The following PKHD1 variants were observed in gnomAD, a reference collection of about 807,000 sequenced individuals.
The protein encoded by PKHD1 is fibrocystin.
Under a neutral mutation model 412.0 loss-of-function variants are expected in PKHD1, and 291 were observed. The ratio of observed to expected loss-of-function variants is 0.71; its 90% CI spans 0.64 to 0.78. PKHD1 has a LOEUF of 0.78. Ranked by LOEUF, PKHD1 falls within the 30% of genes least tolerant of loss-of-function variation. The pLI, the probability that PKHD1 is intolerant of heterozygous loss-of-function variation, is 0.00. For missense variants in PKHD1, 4,825 were observed against 4,950.7 expected (o/e 0.97, Z 0.76); for synonymous variants, 1,777 against 1,821.5 (o/e 0.98, Z 0.62).
chr6:52,078,357 T>C (rs1458915366), intron 5 of PKHD1, among the ~76,000 whole-genome samples: 1 of 152,042 alleles, frequency 6.6e-6, no homozygotes, highest in Admixed American at 6.6e-5. Flanking sequence ...GTGTGGTCAG[T>C]AGAAGCAAAA....
In PKHD1 at chr6:52,025,155, A is replaced by T. The variant is rs772622952; in HGVS notation, c.4655T>A (p.Val1552Asp). ...DLAPGPHYLS[V>D]FYTRNGYACS... ...AGCATACCCATTTCTTGTATAAAAA[A>T]CTGACAGGTAGTGGGGTCCTGGGGC... Residue 1552 changes from valine (V) to aspartate (D), a missense_variant, in exon 32 of 67, where the codon GTT becomes GAT. By Grantham distance (152) the Val-to-Asp change is radical (BLOSUM62 -3). Transcript: ENST00000371117. The T allele has an allele frequency of 5.6e-6, 9 of 1,614,034 alleles. No homozygotes were observed. The highest frequency in any genetic ancestry group is 7.6e-6 in the Non-Finnish European group (9 of 1,180,008).
At chr6:51,831,054 T>C in intron 51 of PKHD1, 65 bp from the exon 52 acceptor site, 1 of 1,237,938 alleles carries the variant, frequency 8.1e-7, no homozygotes, top group African/African-American at 1.5e-5. Flanking sequence ...TCTATCCTTA[T>C]TTTAGGATGC....
Position 52,074,214 on chromosome 6 carries a change from T to C in PKHD1, c.449-673A>G, listed in dbSNP as rs182979360. Among the ~76,000 whole-genome samples, 4 of 152,326 alleles carry C rather than the reference T, an allele frequency of 2.6e-5. No individual in the cohort carries two copies. The East Asian group carries it at 5.8e-4, about 22-fold the overall frequency. The stretch of plus-strand genomic sequence containing the variant: ...TGAAATCCAGAAGACTGAGCCTCTT[T>C]ATAGACACTGAATGCCACCAAAGAA... On this transcript the variant is annotated intron_variant, in intron 6 of 66. Transcript: ENST00000371117.
intron 60 of PKHD1, among the ~76,000 whole-genome samples, chr6:51,723,733 C>T (rs1028095127): frequency 5.9e-5 from 9 of 151,966 alleles, no homozygotes; most frequent in Admixed American, 2.6e-4. Flanking sequence ...AGGAGAAAGG[C>T]GAAAGAAAAC....
chr6:52,077,148 T>A (rs1031654675), intron 5 of PKHD1, among the ~76,000 whole-genome samples: 3 of 152,168 alleles, frequency 2.0e-5, no homozygotes, highest in Non-Finnish European at 4.4e-5. Context: ...GACATTCGAA[T>A]TTTTGTGAAT....
intron 23 of PKHD1, among the ~76,000 whole-genome samples, chr6:52,047,197 A>G (rs1805990721): frequency 6.6e-6 from 1 of 152,238 alleles, no homozygotes; most frequent in Admixed American, 6.5e-5. Context: ...GCTGTCTTCC[A>G]TGAGAAGTAA....
chr6:51,740,376 G>A (rs1015971225), intron 60 of PKHD1, among the ~76,000 whole-genome samples: 2 of 152,088 alleles, frequency 1.3e-5, no homozygotes, highest in South Asian at 2.1e-4. Flanking sequence ...GAACTTATAT[G>A]TGCAAATAAA....
chr6:52,010,233 G>A, intron 35 of PKHD1, 76 bp downstream of exon 35: 3 of 1,332,132 alleles, frequency 2.3e-6, no homozygotes, highest in Non-Finnish European at 3.2e-6. Flanking sequence ...GGACTAAATT[G>A]TTTTTTTAAT....
At chr6:51,635,614 C>T (rs1768426831) in intron 64 of PKHD1, among the ~76,000 whole-genome samples, 1 of 151,812 alleles carries the variant, frequency 6.6e-6, no homozygotes, top group South Asian at 2.1e-4. Context: ...ACTATAAAGC[C>T]AGGGAGTGAT....
chr6:51,626,572 G>T (rs2771014), intron 66 of PKHD1, among the ~76,000 whole-genome samples: 3,963 of 152,228 alleles, frequency 0.026, 183 homozygotes, highest in African/African-American at 0.09. Flanking sequence ...GCTTAACAAA[G>T]CTGACTCATT....
intron 34 of PKHD1, among the ~76,000 whole-genome samples, chr6:52,014,694 CTGGATAGATGGATGGATGGA>C (rs1278386299): frequency 0.023 from 2,841 of 121,664 alleles, 79 homozygotes; most frequent in African/African-American, 0.051. Flanking sequence ...GATGAATATA[CTGGATAGATGGATGGATGGA>C]TGGATGGATG....
chr6:51,845,950 A>G (rs1771068653), intron 50 of PKHD1, among the ~76,000 whole-genome samples: 1 of 152,242 alleles, frequency 6.6e-6, no homozygotes, highest in African/African-American at 2.4e-5. Flanking sequence ...AGTAATGGAA[A>G]GAGAGCAATT....
chr6:51,631,722 G>C lies in PKHD1; in HGVS notation c.11665+843C>G, dbSNP rs141254381. On this transcript the variant is annotated intron_variant, in intron 65 of 66. Coordinates refer to ENST00000371117, the MANE Select transcript of PKHD1 (RefSeq NM_138694.4). ...TGCTCACCTATCTCCTCCACTCTAA[G>C]ATAGAAAGAAGCTTCATTTACAAAG... Among the ~76,000 whole-genome samples, 161 of 152,084 alleles carry C rather than the reference G, an allele frequency of 1.1e-3. 1 individual carries two copies. Among genetic ancestry groups the C allele is most frequent in the African/African-American group, 3.7e-3 (152 of 41,496 alleles).
chr6:51,740,986 C>T (rs78229456), intron 60 of PKHD1, among the ~76,000 whole-genome samples: 7,339 of 152,298 alleles, frequency 0.048, 241 homozygotes, highest in Non-Finnish European at 0.078. Flanking sequence ...TCCATACAGA[C>T]ATTCAGCCAC....
At chr6:51,999,657 G>A (rs1798125313) in intron 35 of PKHD1, among the ~76,000 whole-genome samples, 1 of 152,166 alleles carries the variant, frequency 6.6e-6, no homozygotes, top group Non-Finnish European at 1.5e-5. Context: ...ACAACCCTGA[G>A]GAGAAAACCC....
chr6:51,997,408 C>G (rs1797836151), intron 35 of PKHD1, among the ~76,000 whole-genome samples: 1 of 151,990 alleles, frequency 6.6e-6, no homozygotes. Context: ...AGTCATTTTT[C>G]CCTTGTGATT....
chr6:52,058,734 T>C, intron 15 of PKHD1, 133 bp from the exon 16 acceptor site: 1 of 817,436 alleles, frequency 1.2e-6, no homozygotes, highest in South Asian at 1.5e-5. Flanking sequence ...ATTAACCCAG[T>C]TACCTCAGCC....
intron 60 of PKHD1, among the ~76,000 whole-genome samples, chr6:51,673,172 C>T (rs1166895873): frequency 6.6e-6 from 1 of 152,174 alleles, no homozygotes. Flanking sequence ...CGTGAAACAA[C>T]AAGCCTCAAA....
intron 35 of PKHD1, among the ~76,000 whole-genome samples, chr6:51,981,711 C>T (rs1795338748): frequency 2.1e-5 from 3 of 143,514 alleles, no homozygotes; most frequent in Non-Finnish European, 3.2e-5. Flanking sequence ...CCCAAAGTGC[C>T]GAGATTGCAG....
Sources: allele counts gnomAD v4.1 joint callset (sites outside exome capture counted in the v4.1 genomes callset), GRCh38; gene constraint gnomAD v4.1.1; transcripts MANE v1.5; gene names NCBI Gene and HGNC (gene_info 2026-07-23, HGNC 2026-07-21).